TYW1B: variants seen among roughly 807,000 people sequenced by gnomAD.
TYW1B encodes S-adenosyl-L-methionine-dependent tRNA 4-demethylwyosine synthase TYW1B.
TYW1B carries 73 observed loss-of-function variants against 86.9 expected under a neutral mutation model. The observed-to-expected ratio is 0.84, with a 90% confidence interval of 0.70 to 1.02. The LOEUF (loss-of-function observed/expected upper bound fraction) is 1.02, where lower values mean the gene tolerates loss of function less well. Ranked by LOEUF, TYW1B falls within the 50% of genes least tolerant of loss-of-function variation. The pLI is 0.00. For synonymous variants in TYW1B, 248 were observed against 292.8 expected, an observed-to-expected ratio of 0.85 and a Z score of 1.56; for missense variants, 637 against 827.4, an observed-to-expected ratio of 0.77 and a Z score of 2.82.
intron 4 of TYW1B, among the ~76,000 whole-genome samples, chr7:72,809,668 A>AT (rs1227162059): frequency 3.6e-3 from 299 of 83,398 alleles, no homozygotes; most frequent in Non-Finnish European, 6.3e-3. Flanking sequence ...AATAAACATA[A>AT]TTAAAAAAAA....
chr7:72,825,494 C>T (rs1368489070), intron 2 of TYW1B, among the ~76,000 whole-genome samples: 5 of 152,244 alleles, frequency 3.3e-5, no homozygotes, highest in South Asian at 2.1e-4. Flanking sequence ...GCCCAGCCAA[C>T]GTGGCAAAAC....
chr7:72,762,099 G>A (rs1243961656), intron 7 of TYW1B, among the ~76,000 whole-genome samples: 2 of 152,060 alleles, frequency 1.3e-5, no homozygotes, highest in African/African-American at 2.4e-5. Flanking sequence ...TTTACCTAAA[G>A]TATTTGCTTT....
chr7:72,780,574 T>G (rs1299016036), intron 6 of TYW1B, among the ~76,000 whole-genome samples: 1 of 152,140 alleles, frequency 6.6e-6, no homozygotes, highest in Non-Finnish European at 1.5e-5. Context: ...AAACAGAGAC[T>G]TCTGGCCCCT....
At chr7:72,697,031 TAAAAAAAAAAAA>T (rs781801843) in intron 10 of TYW1B, among the ~76,000 whole-genome samples, 11 of 137,964 alleles carry the variant, frequency 8.0e-5, no homozygotes, top group East Asian at 2.9e-4. Flanking sequence ...GATTTCTACT[TAAAAAAAAAAAA>T]AAAAAAAAAA....
chr7:72,727,811 C>CAAAAA (rs10714290), intron 9 of TYW1B, among the ~76,000 whole-genome samples: 9 of 107,660 alleles, frequency 8.4e-5, no homozygotes, highest in African/African-American at 1.8e-4. Flanking sequence ...AGATCCGGTC[C>CAAAAA]AAAAAAAAAA....
intron 7 of TYW1B, among the ~76,000 whole-genome samples, chr7:72,761,613 T>A (rs907866771): frequency 7.2e-5 from 11 of 151,840 alleles, no homozygotes; most frequent in Non-Finnish European, 1.5e-4. Flanking sequence ...ATTAAAGTTT[T>A]TTTTAATTTA....
chr7:72,607,631 C>T (rs1811835086), intron 13 of TYW1B, among the ~76,000 whole-genome samples: 1 of 151,526 alleles, frequency 6.6e-6, no homozygotes, highest in South Asian at 2.1e-4. Flanking sequence ...CAGAATGAAT[C>T]AATCTAAAGT....
intron 6 of TYW1B, among the ~76,000 whole-genome samples, chr7:72,801,010 G>A (rs1354486952): frequency 1.3e-5 from 2 of 152,120 alleles, no homozygotes; most frequent in East Asian, 3.8e-4. Context: ...TTCCAACGTA[G>A]GTTTAAGACA....
At chr7:72,735,308 G>T (rs1476612980) in intron 8 of TYW1B, among the ~76,000 whole-genome samples, 6 of 152,210 alleles carry the variant, frequency 3.9e-5, no homozygotes, top group African/African-American at 1.4e-4. Context: ...AGTGGGTCAC[G>T]CCTGTAATCC....
intron 13 of TYW1B, among the ~76,000 whole-genome samples, chr7:72,582,074 GAT>G (rs1811167108): frequency 1.8e-5 from 2 of 111,162 alleles, no homozygotes; most frequent in African/African-American, 9.7e-5. Flanking sequence ...TGGCAAAAAA[GAT>G]TTTTTTTTTT....
At chr7:72,737,709 C>T (rs552075691) in intron 8 of TYW1B, among the ~76,000 whole-genome samples, 17 of 152,234 alleles carry the variant, frequency 1.1e-4, no homozygotes, top group Admixed American at 3.9e-4. Context: ...GTCTTGCAAG[C>T]GCTCACCTTA....
chr7:72,637,678 G>T (rs1453384484), intron 11 of TYW1B, among the ~76,000 whole-genome samples: 6 of 141,690 alleles, frequency 4.2e-5, no homozygotes, highest in African/African-American at 1.1e-4. Context: ...TTAATCTACT[G>T]CTCTTTTCTT....
chr7:72,775,121 GAGAC>G (rs1297250426), intron 7 of TYW1B, among the ~76,000 whole-genome samples: 1 of 152,138 alleles, frequency 6.6e-6, no homozygotes, highest in African/African-American at 2.4e-5. Flanking sequence ...AATGAAAAGT[GAGAC>G]AGAAGAAAGA....
In TYW1B at chr7:72,779,910, C is replaced by A. The variant is rs1554471354; in HGVS notation, c.847-2377G>T. On this transcript the variant is annotated intron_variant, in intron 6 of 13. Coordinates refer to ENST00000620995, the MANE Select transcript of TYW1B (RefSeq NM_001145440.3). Reference sequence around the variant, plus strand: ...AAGTCCTATCTGTCCTAAAAGTCAGCATTCCAAATTACTAAATATAATCAA... The same window carrying A: ...AAGTCCTATCTGTCCTAAAAGTCAGAATTCCAAATTACTAAATATAATCAA... Among the ~76,000 whole-genome samples, 4 of 149,092 alleles carry A rather than the reference C, an allele frequency of 2.7e-5. No individual in the cohort carries two copies. The South Asian group carries it at 8.5e-4, about 32-fold the overall frequency.
At chr7:72,827,793 GA>G (rs1554481715) in intron 1 of TYW1B, among the ~76,000 whole-genome samples, 3 of 152,168 alleles carry the variant, frequency 2.0e-5, no homozygotes, top group African/African-American at 7.2e-5. Flanking sequence ...TTCAAAAGTC[GA>G]AGCCTGAAAT....
chr7:72,806,829 T>C (rs1788504574), intron 5 of TYW1B, among the ~76,000 whole-genome samples: 1 of 151,990 alleles, frequency 6.6e-6, no homozygotes, highest in East Asian at 1.9e-4. Flanking sequence ...TTTAAAATTA[T>C]TGTGGTAAAG....
chr7:72,578,358 G>T (rs1423678448), intron 13 of TYW1B, among the ~76,000 whole-genome samples: 8 of 152,002 alleles, frequency 5.3e-5, no homozygotes, highest in African/African-American at 1.9e-4. Flanking sequence ...CTCGTGATCC[G>T]CCTGTCTTGG....
At chr7:72,633,962 G>C (rs1398661813) in intron 11 of TYW1B, among the ~76,000 whole-genome samples, 2 of 152,074 alleles carry the variant, frequency 1.3e-5, no homozygotes, top group African/African-American at 4.8e-5. Context: ...CAGTGAATTC[G>C]ATGTTTGCAA....
intron 10 of TYW1B, among the ~76,000 whole-genome samples, chr7:72,695,843 A>C (rs1333410133): frequency 6.6e-6 from 1 of 151,058 alleles, no homozygotes. Flanking sequence ...CGATCCACCC[A>C]CCTCAGCCTC....
Sources: gnomAD v4.1 joint callset for allele counts (sites outside exome capture counted in the v4.1 genomes callset) on GRCh38, gnomAD v4.1.1 for gene constraint, MANE v1.5 for transcripts, NCBI Gene and HGNC (gene_info 2026-07-23, HGNC 2026-07-21) for gene names.